The following ASIC2 variants were observed in gnomAD, a reference collection of about 807,000 sequenced individuals.
ASIC2 encodes the protein acid sensing ion channel subunit 2.
In ASIC2, 25 loss-of-function variants were observed where a neutral mutation model predicts 57.3. That is an observed-to-expected ratio of 0.44 (90% confidence interval 0.32 to 0.61). The LOEUF is 0.61. Ranked by LOEUF, ASIC2 falls within the 20% of genes least tolerant of loss-of-function variation. The pLI is 0.06. For missense variants in ASIC2, 641 were observed against 738.1 expected, an observed-to-expected ratio of 0.87 and a Z score of 1.52; for synonymous variants, 319 against 307.5, an observed-to-expected ratio of 1.04 and a Z score of -0.39.
At chr17:33,087,386 C>T (rs748645736) in intron 3 of ASIC2, among the ~76,000 whole-genome samples, 4 of 152,040 alleles carry the variant, frequency 2.6e-5, no homozygotes, top group Non-Finnish European at 5.9e-5. Context: ...GCCAGGCTAA[C>T]CTTCCAGCAC....
intron 1 of ASIC2, among the ~76,000 whole-genome samples, chr17:33,603,312 C>T (rs1462930316): frequency 6.6e-6 from 1 of 152,186 alleles, no homozygotes; most frequent in East Asian, 1.9e-4. Flanking sequence ...GGGAGAGAGC[C>T]TGATTGGGAC....
intron 1 of ASIC2, among the ~76,000 whole-genome samples, chr17:34,117,040 G>T (rs1468033966): frequency 6.6e-6 from 1 of 152,146 alleles, no homozygotes; most frequent in Admixed American, 6.6e-5. Context: ...CTGGAAATAT[G>T]TATCGTGGGT....
At chr17:33,288,124 G>T (rs540784078) in intron 1 of ASIC2, among the ~76,000 whole-genome samples, 1 of 152,246 alleles carries the variant, frequency 6.6e-6, no homozygotes, top group African/African-American at 2.4e-5. Context: ...TCTGGAGGGG[G>T]AGACAGGCAC....
intron 1 of ASIC2, among the ~76,000 whole-genome samples, chr17:33,371,389 T>C (rs1909052917): frequency 6.6e-6 from 1 of 152,168 alleles, no homozygotes; most frequent in East Asian, 1.9e-4. Flanking sequence ...AAAGAAAGCA[T>C]TGCTGAAAGC....
At chr17:33,818,274 AT>A (rs1912646480) in intron 1 of ASIC2, among the ~76,000 whole-genome samples, 1 of 152,232 alleles carries the variant, frequency 6.6e-6, no homozygotes, top group Non-Finnish European at 1.5e-5. Flanking sequence ...AAACAGATTT[AT>A]TTTGGTGATT....
chr17:33,186,534 A>G (rs1478071968), intron 1 of ASIC2, among the ~76,000 whole-genome samples: 1 of 152,152 alleles, frequency 6.6e-6, no homozygotes, highest in Non-Finnish European at 1.5e-5. Context: ...AATTCGAGAG[A>G]TTTTCTTATT....
At chr17:34,046,770 T>C (rs1464240210) in intron 1 of ASIC2, among the ~76,000 whole-genome samples, 1 of 152,192 alleles carries the variant, frequency 6.6e-6, no homozygotes, top group African/African-American at 2.4e-5. Context: ...TTATGGGTGA[T>C]TTTGTTGTCT....
chr17:33,944,120 A>G (rs997831805), intron 1 of ASIC2, among the ~76,000 whole-genome samples: 3 of 151,994 alleles, frequency 2.0e-5, no homozygotes, highest in Non-Finnish European at 4.4e-5. Context: ...CTGTCTGAAA[A>G]CCTGTATAAG....
intron 1 of ASIC2, among the ~76,000 whole-genome samples, chr17:33,691,243 G>C (rs1908359062): frequency 6.6e-6 from 1 of 152,068 alleles, no homozygotes; most frequent in African/African-American, 2.4e-5. Flanking sequence ...TGAATACCTA[G>C]CAAAATTGCT....
intron 1 of ASIC2, among the ~76,000 whole-genome samples, chr17:34,057,109 G>C (rs74971381): frequency 3.3e-5 from 5 of 151,980 alleles, no homozygotes; most frequent in Admixed American, 6.6e-5. Context: ...TCAACCTTTT[G>C]TTGGGCACTA....
intron 1 of ASIC2, among the ~76,000 whole-genome samples, chr17:33,848,651 A>C (rs910676117): frequency 5.3e-5 from 8 of 152,190 alleles, no homozygotes; most frequent in African/African-American, 1.9e-4. Flanking sequence ...CTTCAGGTGC[A>C]CAGTAATTCC....
chr17:34,142,739 C>G (rs1912305556), intron 1 of ASIC2, among the ~76,000 whole-genome samples: 1 of 152,216 alleles, frequency 6.6e-6, no homozygotes, highest in African/African-American at 2.4e-5. Flanking sequence ...CCTCTTGCCA[C>G]CTGCTTCCTG....
intron 1 of ASIC2, among the ~76,000 whole-genome samples, chr17:33,816,314 G>A (rs937337810): frequency 1.3e-5 from 2 of 152,070 alleles, no homozygotes; most frequent in African/African-American, 4.8e-5. Flanking sequence ...AGGGAAAAAG[G>A]GGATGGATAA....
At chr17:34,007,226 C>T (rs1350421815) in intron 1 of ASIC2, among the ~76,000 whole-genome samples, 1 of 152,298 alleles carries the variant, frequency 6.6e-6, no homozygotes, top group East Asian at 1.9e-4. Flanking sequence ...GGAGTTCATT[C>T]CCCTACACTT....
In ASIC2 at chr17:33,156,540, G is replaced by C. The variant is rs149752887; in HGVS notation, c.709-44473C>G. ...TGGGAGGCTGAAGTGGGTGGATCAC[G>C]AGGTCAGGAGTTTGAGACCAGCCTG... is the stretch of plus-strand genomic sequence containing the variant. On this transcript the variant is annotated intron_variant, in intron 1 of 9. Coordinates refer to ENST00000225823, the MANE Select transcript of ASIC2 (RefSeq NM_183377.2). Among the ~76,000 whole-genome samples, 1,302 of 151,992 alleles carry C rather than the reference G, an allele frequency of 8.6e-3. 18 individuals are homozygous for C. The highest frequency in any genetic ancestry group is 0.029 in the African/African-American group (1,223 of 41,496).
chr17:34,037,662 C>G, intron 1 of ASIC2: 1 of 1,613,546 alleles, frequency 6.2e-7, no homozygotes, highest in Non-Finnish European at 8.5e-7. Context: ...GAGGTTGATG[C>G]AATAGCAGCT....
chr17:33,409,051 C>A (rs1597718053), intron 1 of ASIC2, among the ~76,000 whole-genome samples: 1 of 151,902 alleles, frequency 6.6e-6, no homozygotes, highest in African/African-American at 2.4e-5. Context: ...CTGTCTCTAC[C>A]AAAAATACAA....
At chr17:33,872,912 G>A (rs1914456813) in intron 1 of ASIC2, among the ~76,000 whole-genome samples, 1 of 152,132 alleles carries the variant, frequency 6.6e-6, no homozygotes, top group Non-Finnish European at 1.5e-5. Context: ...AGTAAAGGAG[G>A]GTTCCACAAG....
At chr17:33,665,430 G>T (rs112776718) in intron 1 of ASIC2, among the ~76,000 whole-genome samples, 1 of 152,086 alleles carries the variant, frequency 6.6e-6, no homozygotes, top group Non-Finnish European at 1.5e-5. Flanking sequence ...TAGGAATGGC[G>T]TACCCATGTC....
Sources: gnomAD v4.1 joint callset for allele counts (sites outside exome capture counted in the v4.1 genomes callset) on GRCh38, gnomAD v4.1.1 for gene constraint, MANE v1.5 for transcripts, NCBI Gene and HGNC (gene_info 2026-07-23, HGNC 2026-07-21) for gene names.